HNF4G: variants seen among roughly 807,000 people sequenced by gnomAD.
HNF4G encodes the protein hepatocyte nuclear factor 4-gamma.
HNF4G carries 21 observed loss-of-function variants against 50.9 expected under a neutral mutation model. That is an observed-to-expected ratio of 0.41 (90% CI 0.29 to 0.59). The LOEUF (loss-of-function observed/expected upper bound fraction) is 0.59. Among genes scored for constraint, HNF4G ranks in the 20% least tolerant of loss-of-function variants. The pLI is 0.26. For missense variants in HNF4G, 527 were observed against 559.4 expected (o/e 0.94, Z 0.58); for synonymous variants, 198 against 185.6 (o/e 1.07, Z -0.54).
intron 2 of HNF4G, among the ~76,000 whole-genome samples, chr8:75,533,077 GAC>G (rs1476567730): frequency 2.6e-5 from 4 of 151,964 alleles, no homozygotes; most frequent in Admixed American, 2.0e-4. Context: ...AAAAGCATTT[GAC>G]ACATAAAATG....
chr8:75,486,800 T>C (rs1021168599), intron 1 of HNF4G, among the ~76,000 whole-genome samples: 33 of 152,194 alleles, frequency 2.2e-4, no homozygotes, highest in Non-Finnish European at 4.6e-4. Flanking sequence ...CCCCAGGAGT[T>C]TGAGACCACC....
At position 75,503,131 on chromosome 8, in the gene HNF4G, C is replaced by T. The variant is rs149758187; in HGVS notation, c.-24+12923C>T. On this transcript the variant is annotated intron_variant, in intron 2 of 10. Transcript: ENST00000354370. ...TAGAAAACTTCATAGGTAAATCATT[C>T]TCAAATATTAAAAACAATTTTCTGT... is the stretch of plus-strand genomic sequence containing the variant. Among the ~76,000 whole-genome samples the T allele has an allele frequency of 2.5e-3, 376 of 152,178 alleles. 2 individuals are homozygous for T. The highest frequency in any genetic ancestry group is 8.7e-3 in the African/African-American group (360 of 41,522).
intron 2 of HNF4G, among the ~76,000 whole-genome samples, chr8:75,518,373 A>C (rs1471147905): frequency 6.6e-6 from 1 of 151,642 alleles, no homozygotes; most frequent in African/African-American, 2.4e-5. Flanking sequence ...ACACTTTTAC[A>C]CTGTTGGTGG....
intron 1 of HNF4G, among the ~76,000 whole-genome samples, chr8:75,439,125 A>G (rs895318307): frequency 6.6e-6 from 1 of 152,104 alleles, no homozygotes; most frequent in African/African-American, 2.4e-5. Flanking sequence ...GCATATATTT[A>G]TCATGGTTGG....
intron 1 of HNF4G, among the ~76,000 whole-genome samples, chr8:75,488,967 G>A (rs13264686): frequency 0.23 from 34,710 of 152,018 alleles, 5,173 homozygotes; most frequent in African/African-American, 0.42. Flanking sequence ...ATAGAATTCA[G>A]GAAAGACCAC....
At chr8:75,562,487 A>T (rs1490567842) in intron 9 of HNF4G, among the ~76,000 whole-genome samples, 1 of 152,162 alleles carries the variant, frequency 6.6e-6, no homozygotes, top group Non-Finnish European at 1.5e-5. Context: ...AGAGAGGGGC[A>T]AGCCTAATAC....
intron 1 of HNF4G, among the ~76,000 whole-genome samples, chr8:75,471,190 T>A (rs1416652434): frequency 6.6e-6 from 1 of 152,228 alleles, no homozygotes; most frequent in African/African-American, 2.4e-5. Context: ...TTCATTCATT[T>A]GATTGAGTTG....
intron 1 of HNF4G, among the ~76,000 whole-genome samples, chr8:75,451,527 G>A (rs1432158725): frequency 6.6e-6 from 1 of 152,126 alleles, no homozygotes; most frequent in African/African-American, 2.4e-5. Context: ...TAAATGGTAT[G>A]AGATGAAGGT....
chr8:75,509,889 T>A (rs1022400120), intron 2 of HNF4G, among the ~76,000 whole-genome samples: 1 of 152,240 alleles, frequency 6.6e-6, no homozygotes, highest in African/African-American at 2.4e-5. Flanking sequence ...TAAATGACTA[T>A]GTTGCTGGTT....
intron 2 of HNF4G, among the ~76,000 whole-genome samples, chr8:75,494,443 A>G (rs1290122325): frequency 6.6e-6 from 1 of 151,648 alleles, no homozygotes; most frequent in Non-Finnish European, 1.5e-5. Flanking sequence ...TGAGATGAAC[A>G]TTAATAAGGT....
chr8:75,435,034 G>C (rs977952769), intron 1 of HNF4G, among the ~76,000 whole-genome samples: 4 of 152,094 alleles, frequency 2.6e-5, no homozygotes, highest in Admixed American at 2.6e-4. Context: ...TAAAAGAACA[G>C]AACATTTGGG....
At chr8:75,460,955 C>T (rs886369410) in intron 1 of HNF4G, among the ~76,000 whole-genome samples, 5 of 152,130 alleles carry the variant, frequency 3.3e-5, no homozygotes, top group Non-Finnish European at 7.4e-5. Context: ...ATAATATCGA[C>T]CCTTTAATGA....
At position 75,565,355 on chromosome 8, in the gene HNF4G, C is replaced by G. The variant is rs1515020; in HGVS notation, c.*1259C>G. 1 of 151,918 alleles carries G rather than the reference C, an allele frequency of 6.6e-6. No individual in the cohort carries two copies. The highest frequency in any genetic ancestry group is 2.4e-5 in the African/African-American group (1 of 41,380). The allele number at this position is 151,918 out of a possible 1,614,324, so 9.4% of individuals were successfully genotyped here. A position where few individuals can be genotyped will look rare whatever the true frequency, so the allele number is the denominator to read the frequency against. On this transcript the variant is annotated 3_prime_UTR_variant, in exon 10 of 10. Coordinates refer to ENST00000396423, the MANE Select transcript of HNF4G (RefSeq NM_004133.5). ...TAAGAAACCACTTTTGTAGTTTTAA[C>G]CAGACTTTCTCTTAAAAACATTAGA...
At chr8:75,496,069 A>T (rs1403920580) in intron 2 of HNF4G, among the ~76,000 whole-genome samples, 1 of 152,122 alleles carries the variant, frequency 6.6e-6, no homozygotes, top group African/African-American at 2.4e-5. Context: ...ATGGGAAAAA[A>T]GTAATATCAA....
intron 1 of HNF4G, among the ~76,000 whole-genome samples, chr8:75,483,945 T>C (rs1425730757): frequency 2.6e-5 from 4 of 152,172 alleles, no homozygotes; most frequent in East Asian, 3.9e-4. Flanking sequence ...ATGGACACTT[T>C]CACATAAAAT....
At chr8:75,561,074 T>A (rs75502924) in intron 9 of HNF4G, among the ~76,000 whole-genome samples, 5 of 152,128 alleles carry the variant, frequency 3.3e-5, no homozygotes, top group Non-Finnish European at 5.9e-5. Flanking sequence ...ATTTTTTCTA[T>A]GCCCTGATGA....
At chr8:75,438,886 A>G (rs1399043896) in intron 1 of HNF4G, among the ~76,000 whole-genome samples, 2 of 151,950 alleles carry the variant, frequency 1.3e-5, no homozygotes, top group African/African-American at 4.8e-5. Flanking sequence ...GGGTAAATAT[A>G]TATGCTTTTC....
intron 1 of HNF4G, among the ~76,000 whole-genome samples, chr8:75,417,269 T>A (rs997283669): frequency 3.3e-5 from 5 of 152,260 alleles, no homozygotes; most frequent in Non-Finnish European, 5.9e-5. Context: ...CAAGTCATCC[T>A]TCTGCCTCAG....
chr8:75,490,700 TCTTA>T (rs1278311516), intron 2 of HNF4G, among the ~76,000 whole-genome samples: 5 of 152,332 alleles, frequency 3.3e-5, no homozygotes, highest in South Asian at 4.1e-4. Context: ...GATTATTTCT[TCTTA>T]CTTAGGTTTT....
Sources: allele counts gnomAD v4.1 joint callset (sites outside exome capture counted in the v4.1 genomes callset), GRCh38; gene constraint gnomAD v4.1.1; transcripts MANE v1.5; gene names NCBI Gene and HGNC (gene_info 2026-07-23, HGNC 2026-07-21).